Variants in SOX5 observed in about 807,000 individuals in gnomAD.
SOX5 encodes SRY-box transcription factor 5.
SOX5 carries 9 observed loss-of-function variants against 92.0 expected under a neutral mutation model. The ratio of observed to expected loss-of-function variants is 0.10; its 90% CI spans 0.06 to 0.17. The LOEUF is 0.17. Ranked by LOEUF, SOX5 falls within the 10% of genes least tolerant of loss-of-function variation. The probability of loss-of-function intolerance (pLI) is 1.00; values close to 1 mark genes in which losing one functional copy is unlikely to be tolerated. For missense variants in SOX5, 642 were observed against 944.5 expected (o/e 0.68, Z 4.20); for synonymous variants, 344 against 336.3 (o/e 1.02, Z -0.25).
intron 4 of SOX5, among the ~76,000 whole-genome samples, chr12:24,013,128 T>A (rs1329004887): frequency 5.3e-5 from 8 of 152,124 alleles, no homozygotes; most frequent in Non-Finnish European, 7.4e-5. Context: ...TATAAAGAGA[T>A]GAGTTTCTGT....
chr12:23,787,034 C>T lies in SOX5; in HGVS notation c.482-31310G>A, dbSNP rs1339185538. ...AAGGTCAGAGGAGATTATTTTCTTC[C>T]ATAAGCACTCTGCCAACAATAAACA... On this transcript the variant is annotated intron_variant, in intron 3 of 14. Coordinates refer to ENST00000451604, the MANE Select transcript of SOX5 (RefSeq NM_006940.6). Among the ~76,000 whole-genome samples the T allele has an allele frequency of 1.0e-4, 15 of 144,306 alleles. 2 individuals carry two copies. Among genetic ancestry groups the T allele is most frequent in the Admixed American group, 1.0e-3 (15 of 14,776 alleles). 94.7% of individuals were successfully genotyped at this position (144,306 alleles called of 152,430 possible). A position where few individuals can be genotyped will look rare whatever the true frequency, so the allele number is the denominator to read the frequency against.
chr12:24,519,306 T>G (rs1192682449), intron 1 of SOX5, among the ~76,000 whole-genome samples: 1 of 152,012 alleles, frequency 6.6e-6, no homozygotes, highest in African/African-American at 2.4e-5. Context: ...ACTTACTTTC[T>G]CTCCTTAAAG....
chr12:24,255,096 C>A (rs1403470920), intron 3 of SOX5, among the ~76,000 whole-genome samples: 2 of 152,082 alleles, frequency 1.3e-5, no homozygotes, highest in African/African-American at 2.4e-5. Context: ...AGATAATAGC[C>A]TAAATCAGTA....
intron 1 of SOX5, among the ~76,000 whole-genome samples, chr12:24,464,516 T>A (rs1169229147): frequency 6.6e-6 from 1 of 152,118 alleles, no homozygotes; most frequent in African/African-American, 2.4e-5. Context: ...AATTTTTTTG[T>A]ATTTTTAGTA....
intron 1 of SOX5, among the ~76,000 whole-genome samples, chr12:24,554,818 C>T (rs1313223074): frequency 3.3e-5 from 5 of 152,140 alleles, no homozygotes; most frequent in Admixed American, 6.5e-5. Context: ...GCCTCCCCGC[C>T]GACTCTGGCC....
intron 4 of SOX5, among the ~76,000 whole-genome samples, chr12:24,197,316 T>G (rs1002678956): frequency 6.6e-6 from 1 of 152,184 alleles, no homozygotes; most frequent in Non-Finnish European, 1.5e-5. Flanking sequence ...AGATATATGA[T>G]GTGGGCCTAT....
intron 1 of SOX5, among the ~76,000 whole-genome samples, chr12:23,928,285 G>A (rs1940522837): frequency 6.6e-6 from 1 of 151,992 alleles, no homozygotes; most frequent in African/African-American, 2.4e-5. Flanking sequence ...TTAGCAGAGG[G>A]CCCTTTTGAA....
intron 1 of SOX5, among the ~76,000 whole-genome samples, chr12:23,915,144 C>G (rs1342822308): frequency 6.6e-6 from 1 of 152,034 alleles, no homozygotes; most frequent in African/African-American, 2.4e-5. Context: ...ATAAGTAGTA[C>G]ATTATTTATG....
intron 2 of SOX5, among the ~76,000 whole-genome samples, chr12:24,333,559 A>G (rs1026630530): frequency 1.3e-5 from 2 of 152,036 alleles, no homozygotes; most frequent in Admixed American, 1.3e-4. Flanking sequence ...ATAAAATGAC[A>G]TTTTAAAATA....
At chr12:24,145,085 C>A (rs1434884935) in intron 4 of SOX5, among the ~76,000 whole-genome samples, 2 of 151,612 alleles carry the variant, frequency 1.3e-5, no homozygotes, top group East Asian at 3.9e-4. Flanking sequence ...CAGAGTGAGA[C>A]CCTGTCTCAA....
chr12:23,580,164 A>G (rs1457688416), intron 9 of SOX5, among the ~76,000 whole-genome samples: 2 of 152,090 alleles, frequency 1.3e-5, no homozygotes. Flanking sequence ...CTTCACGACT[A>G]TGAAGTAATT....
chr12:23,610,004 T>A (rs1243976124), intron 8 of SOX5, among the ~76,000 whole-genome samples: 2 of 152,160 alleles, frequency 1.3e-5, no homozygotes, highest in Non-Finnish European at 2.9e-5. Context: ...CTAGAAAAGG[T>A]CTGGCAGGAT....
intron 3 of SOX5, among the ~76,000 whole-genome samples, chr12:23,797,862 T>A (rs1329701255): frequency 1.3e-5 from 2 of 152,144 alleles, no homozygotes; most frequent in East Asian, 3.9e-4. Flanking sequence ...TAACCTCGCC[T>A]CAGGTTATTT....
intron 1 of SOX5, among the ~76,000 whole-genome samples, chr12:24,429,924 T>A (rs1937957376): frequency 6.6e-6 from 1 of 152,186 alleles, no homozygotes; most frequent in African/African-American, 2.4e-5. Context: ...CAAGTGAAAC[T>A]GAAATTACTA....
intron 4 of SOX5, among the ~76,000 whole-genome samples, chr12:24,031,875 T>G (rs1234626229): frequency 6.6e-6 from 1 of 151,846 alleles, no homozygotes; most frequent in Non-Finnish European, 1.5e-5. Context: ...AATGCAATTT[T>G]GTAATTTTAT....
intron 2 of SOX5, among the ~76,000 whole-genome samples, chr12:23,863,430 T>G (rs993102664): frequency 6.6e-6 from 1 of 152,166 alleles, no homozygotes; most frequent in Non-Finnish European, 1.5e-5. Flanking sequence ...ACAGAGAAAA[T>G]GAGTTTAAGC....
chr12:23,880,084 G>A (rs113501011), intron 2 of SOX5, among the ~76,000 whole-genome samples: 7 of 152,248 alleles, frequency 4.6e-5, no homozygotes, highest in South Asian at 2.1e-4. Context: ...AAAGAATTAA[G>A]CTCTAGAGGA....
chr12:23,653,879 G>A (rs2081993925), intron 7 of SOX5, among the ~76,000 whole-genome samples: 1 of 152,084 alleles, frequency 6.6e-6, no homozygotes, highest in South Asian at 2.1e-4. Flanking sequence ...GAGGAATTAT[G>A]TCTTGCTCAT....
At chr12:24,118,039 G>GAA (rs1170532800) in intron 4 of SOX5, among the ~76,000 whole-genome samples, 3 of 119,564 alleles carry the variant, frequency 2.5e-5, no homozygotes, top group Admixed American at 1.7e-4. Context: ...AAAAAAAAAA[G>GAA]AAAAAAAAAA....
Sources: gnomAD v4.1 joint callset for allele counts (sites outside exome capture counted in the v4.1 genomes callset) on GRCh38, gnomAD v4.1.1 for gene constraint, MANE v1.5 for transcripts, NCBI Gene and HGNC (gene_info 2026-07-23, HGNC 2026-07-21) for gene names.